ABCA12: variants seen among roughly 807,000 people sequenced by gnomAD.
ABCA12 encodes the protein ATP binding cassette subfamily A member 12.
A neutral mutation model predicts 293.5 loss-of-function variants in ABCA12; 156 were observed. The observed-to-expected ratio is 0.53, with a 90% CI of 0.47 to 0.61. The LOEUF (loss-of-function observed/expected upper bound fraction) is 0.61. ABCA12 is among the 20% of genes least tolerant of loss of function. ABCA12 has a pLI of 0.00. For missense variants in ABCA12, 2,797 were observed against 3,090.2 expected (o/e 0.91, Z 2.25); for synonymous variants, 1,063 against 1,108.0 (o/e 0.96, Z 0.81).
chr2:215,053,116 G>T (rs1203832580), intron 4 of ABCA12, among the ~76,000 whole-genome samples: 1 of 152,018 alleles, frequency 6.6e-6, no homozygotes, highest in East Asian at 1.9e-4. Flanking sequence ...AAAGCCATTA[G>T]CCTGGACTAC....
At chr2:214,965,281 G>A (rs566920585) in intron 39 of ABCA12, among the ~76,000 whole-genome samples, 2 of 152,226 alleles carry the variant, frequency 1.3e-5, no homozygotes, top group African/African-American at 2.4e-5. Context: ...AACCCTAGAA[G>A]AAAATCTAGG....
chr2:215,053,958 A>G (rs1344162343), intron 4 of ABCA12, among the ~76,000 whole-genome samples: 1 of 152,024 alleles, frequency 6.6e-6, no homozygotes, highest in East Asian at 1.9e-4. Flanking sequence ...AGGCTCAGAA[A>G]CGCATGTTTT....
chr2:214,967,588 G>A (rs1273208616), intron 38 of ABCA12, among the ~76,000 whole-genome samples: 1 of 152,116 alleles, frequency 6.6e-6, no homozygotes, highest in East Asian at 1.9e-4. Context: ...AAATTCACAT[G>A]TTTGTGCAAG....
At chr2:214,963,935 A>C (rs993435472) in intron 39 of ABCA12, among the ~76,000 whole-genome samples, 20 of 151,096 alleles carry the variant, frequency 1.3e-4, no homozygotes, top group African/African-American at 4.9e-4. Context: ...AAAAAAAAAA[A>C]AAAAAAAAAA....
At chr2:215,115,272 T>C (rs1702661737) in intron 1 of ABCA12, among the ~76,000 whole-genome samples, 1 of 152,116 alleles carries the variant, frequency 6.6e-6, no homozygotes, top group Non-Finnish European at 1.5e-5. Flanking sequence ...TACACTATGG[T>C]CTCACGAATA....
At position 215,054,637 on chromosome 2, in the gene ABCA12, C is replaced by T. The variant is rs759673513; in HGVS notation, c.345G>A (p.Leu115=). The change falls in exon 4 of 53, where the codon CTG becomes CTA. Residue 115 remains leucine (L), a synonymous_variant. Transcript: ENST00000272895. ...GGAATGATAAACTGCTGTCCTTATC[C>T]AGGTTGGATGACTTTCTCAGAATCT... ...DSEILRKSSN[L]DKDSSLSFQS... is the part of the protein sequence containing the mutation. 8.1e-6 allele frequency: 13 copies of T among 1,611,828 alleles called. No individual in the cohort carries two copies. Among genetic ancestry groups the T allele is most frequent in the African/African-American group, 1.3e-5 (1 of 74,756 alleles).
chr2:215,067,411 A>ATGATTGTGCAC (rs1271382814), intron 2 of ABCA12, among the ~76,000 whole-genome samples: 1 of 152,154 alleles, frequency 6.6e-6, no homozygotes, highest in Non-Finnish European at 1.5e-5. Flanking sequence ...ATGATTGTGC[A>ATGATTGTGCAC]AACCATGGCA....
At chr2:215,036,776 G>A (rs1402182274) in intron 8 of ABCA12, among the ~76,000 whole-genome samples, 177 bp downstream of exon 8, 2 of 151,704 alleles carry the variant, frequency 1.3e-5, no homozygotes, top group Non-Finnish European at 2.9e-5. Flanking sequence ...CCCTCTTCTT[G>A]GCCATTTCTC....
chr2:214,948,768 AT>A (rs1322409294), intron 46 of ABCA12, 31 bp from the exon 47 acceptor site: 18 of 1,613,590 alleles, frequency 1.1e-5, no homozygotes, highest in Non-Finnish European at 1.5e-5. Flanking sequence ...ACACAGATGA[AT>A]TTCAAAAGAT....
At chr2:215,120,210 G>C (rs1216199552) in intron 1 of ABCA12, among the ~76,000 whole-genome samples, 1 of 152,100 alleles carries the variant, frequency 6.6e-6, no homozygotes, top group African/African-American at 2.4e-5. Flanking sequence ...TTATAAGTGA[G>C]AGTTAAACAT....
At chr2:214,951,145 A>C in intron 44 of ABCA12, 62 bp from the exon 45 acceptor site, 1 of 1,444,112 alleles carries the variant, frequency 6.9e-7, no homozygotes, top group Non-Finnish European at 9.7e-7. Context: ...CAATTTTGAC[A>C]TGTTTTGATG....
chr2:215,121,246 C>T (rs1023095512), intron 1 of ABCA12, among the ~76,000 whole-genome samples: 12 of 152,118 alleles, frequency 7.9e-5, no homozygotes, highest in Admixed American at 1.3e-4. Flanking sequence ...ATAGAGCTAA[C>T]GCACTACAAA....
At chr2:215,043,338 CTT>C (rs34440867) in intron 7 of ABCA12, among the ~76,000 whole-genome samples, 1 of 152,066 alleles carries the variant, frequency 6.6e-6, no homozygotes, top group African/African-American at 2.4e-5. Flanking sequence ...TATGCAGACT[CTT>C]TTACATATAT....
chr2:215,125,707 G>A (rs911219533), intron 1 of ABCA12, among the ~76,000 whole-genome samples: 7 of 151,960 alleles, frequency 4.6e-5, no homozygotes, highest in Admixed American at 4.6e-4. Context: ...GAGTCCTCAG[G>A]GTTTTCAAGG....
At chr2:215,072,154 T>C (rs1382611020) in intron 2 of ABCA12, among the ~76,000 whole-genome samples, 2 of 152,216 alleles carry the variant, frequency 1.3e-5, no homozygotes, top group Non-Finnish European at 2.9e-5. Context: ...GTTCAATTGC[T>C]ACAGCCACAA....
chr2:214,958,375 A>G lies in ABCA12; in HGVS notation c.6019T>C (p.Tyr2007His). 1 of 1,614,056 alleles carries G rather than the reference A, an allele frequency of 6.2e-7. No individual in the cohort carries two copies. The highest frequency in any genetic ancestry group is 8.5e-7 in the Non-Finnish European group (1 of 1,179,940). ...TTGGTTTGATGTTCCCTTACAACAT[A>G]GGTGACAAAGCTGGCGGTGGTGACA... ...YSVTTASFVT[Y>H]VVREHQTKAK... The change falls in exon 41 of 53, where the codon TAT becomes CAT. Residue 2007 changes from tyrosine to histidine, a missense_variant. Around this residue, in one of 3 missense-constraint regions of ABCA12, gnomAD observed 2,130 missense variants for 2,427.0 expected, o/e 0.88. Coordinates refer to ENST00000272895, the MANE Select transcript of ABCA12 (RefSeq NM_173076.3).
intron 19 of ABCA12, among the ~76,000 whole-genome samples, chr2:215,005,492 G>A (rs1700233410): frequency 6.6e-6 from 1 of 152,164 alleles, no homozygotes; most frequent in Non-Finnish European, 1.5e-5. Context: ...GCTGCTGAGG[G>A]TTCTAAAAGC....
At chr2:215,059,001 G>A (rs1280060770) in intron 3 of ABCA12, among the ~76,000 whole-genome samples, 1 of 151,982 alleles carries the variant, frequency 6.6e-6, no homozygotes, top group Non-Finnish European at 1.5e-5. Flanking sequence ...GTCACTACCT[G>A]TATAAGTGGT....
chr2:215,112,976 A>G (rs1475596489), intron 1 of ABCA12, among the ~76,000 whole-genome samples: 1 of 152,194 alleles, frequency 6.6e-6, no homozygotes, highest in Admixed American at 6.5e-5. Context: ...GCAAATAGTT[A>G]TGGTGCTAAA....
Sources: allele counts gnomAD v4.1 joint callset (sites outside exome capture counted in the v4.1 genomes callset), GRCh38; gene constraint gnomAD v4.1.1; regional missense constraint gnomAD v4.1.1; transcripts MANE v1.5; gene names NCBI Gene and HGNC (gene_info 2026-07-23, HGNC 2026-07-21).